The following VTI1A variants were observed in gnomAD, a reference collection of about 807,000 sequenced individuals.
VTI1A encodes the protein vesicle transport through interaction with t-SNAREs homolog 1A.
VTI1A carries 22 observed loss-of-function variants against 34.9 expected under a neutral mutation model. That is an observed-to-expected ratio of 0.63 (90% CI 0.45 to 0.90). The LOEUF (loss-of-function observed/expected upper bound fraction) is 0.90, where lower values mean the gene tolerates loss of function less well. Among genes scored for constraint, VTI1A ranks in the 40% least tolerant of loss-of-function variants. The pLI is 0.00. For synonymous variants in VTI1A, 87 were observed against 97.3 expected (o/e 0.89, Z 0.62); for missense variants, 268 against 275.6 (o/e 0.97, Z 0.20).
the VTI1A span, among the ~76,000 whole-genome samples, chr10:112,849,232 A>T: frequency 6.6e-6 from 1 of 152,272 alleles, no homozygotes; most frequent in African/African-American, 2.4e-5. Context: ...TAAGCTGTTC[A>T]TCTGCAACTG....
chr10:112,738,911 G>T (rs1044098065), intron 7 of VTI1A, among the ~76,000 whole-genome samples: 5 of 152,150 alleles, frequency 3.3e-5, no homozygotes, highest in Non-Finnish European at 4.4e-5. Flanking sequence ...TGACCTAGCC[G>T]CATGATCCCG....
chr10:112,652,218 C>A lies in VTI1A; in HGVS notation c.428-16000C>A, dbSNP rs969134743. Among the ~76,000 whole-genome samples the A allele has an allele frequency of 2.4e-4, 37 of 152,218 alleles. 1 individual carries two copies. Among genetic ancestry groups the A allele is most frequent in the Non-Finnish European group, 4.1e-4 (28 of 68,040 alleles). On this transcript the variant is annotated intron_variant, in intron 5 of 7. Coordinates refer to ENST00000393077, the MANE Select transcript of VTI1A (RefSeq NM_145206.4). ...CCCTGAGTGAAATCAAAGCCTCCCA[C>A]TGCCATAACACCATGAAGATTTTCA...
At chr10:112,563,425 T>TA (rs35123488) in intron 5 of VTI1A, among the ~76,000 whole-genome samples, 1 of 152,220 alleles carries the variant, frequency 6.6e-6, no homozygotes, top group Non-Finnish European at 1.5e-5. Flanking sequence ...ATTCATCATA[T>TA]AAAAAAAATT....
At position 112,778,145 on chromosome 10, in the gene VTI1A, G is replaced by A. The variant is rs558626704; in HGVS notation, c.561-37145G>A. 7.2e-5 allele frequency among the ~76,000 whole-genome samples: 11 copies of A among 152,200 alleles called. No individual in the cohort carries two copies. The South Asian group carries it at 1.0e-3, about 14-fold the overall frequency. ...AAGTGTATTGGTGATAGCAAGTTCC[G>A]TAATAGCCTTATGGAGCTCACATTA... On this transcript the variant is annotated intron_variant, in intron 7 of 7. Coordinates refer to ENST00000393077, the MANE Select transcript of VTI1A (RefSeq NM_145206.4).
At chr10:112,778,329 G>C in intron 7 of VTI1A, among the ~76,000 whole-genome samples, 1 of 152,174 alleles carries the variant, frequency 6.6e-6, no homozygotes, top group Non-Finnish European at 1.5e-5. Flanking sequence ...CTGAGCACTG[G>C]TGGAAGTTCT....
chr10:112,657,779 T>G (rs1200069640), intron 5 of VTI1A, among the ~76,000 whole-genome samples: 1 of 151,530 alleles, frequency 6.6e-6, no homozygotes, highest in Non-Finnish European at 1.5e-5. Flanking sequence ...AGTTAAAAAC[T>G]TTTATATATC....
chr10:112,610,898 G>A (rs1347174103), intron 5 of VTI1A, among the ~76,000 whole-genome samples: 6 of 150,976 alleles, frequency 4.0e-5, no homozygotes, highest in African/African-American at 1.2e-4. Context: ...CAGCCTGGGC[G>A]ACAGAGCGAG....
intron 5 of VTI1A, among the ~76,000 whole-genome samples, chr10:112,618,524 T>TAGAGAGAGAGAGAGAGAGAGAGAG (rs6144094): frequency 1.6e-3 from 54 of 34,556 alleles, no homozygotes; most frequent in African/African-American, 4.9e-3. Context: ...TATATATATA[T>TAGAGAGAGAGAGAGAGAGAGAGAG]AGAGAGAGAG....
chr10:112,785,353 G>T (rs1450075003), intron 7 of VTI1A, among the ~76,000 whole-genome samples: 1 of 152,194 alleles, frequency 6.6e-6, no homozygotes, highest in African/African-American at 2.4e-5. Context: ...TCTGGAGCTT[G>T]TAAGACTCTG....
intron 5 of VTI1A, among the ~76,000 whole-genome samples, chr10:112,605,330 G>A (rs960177220): frequency 6.6e-6 from 1 of 152,094 alleles, no homozygotes; most frequent in African/African-American, 2.4e-5. Flanking sequence ...GTGTTGAGAG[G>A]GAAAGAAATT....
intron 7 of VTI1A, among the ~76,000 whole-genome samples, chr10:112,740,178 C>A (rs1850642672): frequency 6.6e-6 from 1 of 152,212 alleles, no homozygotes; most frequent in African/African-American, 2.4e-5. Flanking sequence ...GTTTCCTGCA[C>A]TCTCTTCCAT....
intron 5 of VTI1A, among the ~76,000 whole-genome samples, chr10:112,624,625 A>C (rs1176656618): frequency 6.6e-6 from 1 of 152,158 alleles, no homozygotes; most frequent in Non-Finnish European, 1.5e-5. Context: ...AAAATCGAAG[A>C]CACGTAGGGT....
intron 5 of VTI1A, among the ~76,000 whole-genome samples, chr10:112,621,871 A>G (rs1845750147): frequency 6.6e-6 from 1 of 152,112 alleles, no homozygotes; most frequent in African/African-American, 2.4e-5. Flanking sequence ...TTTCCACGCT[A>G]TACGCTCCTT....
At chr10:112,511,688 C>T (rs1326474174) in intron 3 of VTI1A, among the ~76,000 whole-genome samples, 2 of 152,120 alleles carry the variant, frequency 1.3e-5, no homozygotes, top group African/African-American at 4.8e-5. Flanking sequence ...CACCCTTTAA[C>T]CTGCTTCTCT....
intron 5 of VTI1A, among the ~76,000 whole-genome samples, chr10:112,561,941 A>C (rs1233469567): frequency 6.6e-6 from 1 of 152,190 alleles, no homozygotes; most frequent in Non-Finnish European, 1.5e-5. Flanking sequence ...AAAATTAAAA[A>C]ATCTATCATC....
rs117461411 is a variant in VTI1A at position 112,791,752 on chromosome 10, T to C, written c.561-23538T>C. On this transcript the variant is annotated intron_variant, in intron 7 of 7. Transcript: ENST00000393077. Reference sequence around the variant, plus strand: ...ACAGCACCCCCTCACTTTGGGTACGTATAACTTACACTGATCACTGTTCTG... The same window carrying C: ...ACAGCACCCCCTCACTTTGGGTACGCATAACTTACACTGATCACTGTTCTG... Among the ~76,000 whole-genome samples the C allele has an allele frequency of 4.1e-3, 624 of 152,140 alleles. 2 individuals carry two copies. Among genetic ancestry groups the C allele is most frequent in the Non-Finnish European group, 6.8e-3 (464 of 68,002 alleles).
Position 112,668,983 on chromosome 10 carries a change from C to T in VTI1A, c.545C>T (p.Thr182Ile). ...TTGGGAAAAAGCTCCAGGATTCTGA[C>T]AGGGATGTTGCGAAGGTAAGAGCAA... ...ANLGKSSRIL[T>I]GMLRRIIQNR... Residue 182 changes from threonine (T) to isoleucine (I), a missense_variant, in exon 7 of 8, where the codon ACA (threonine) becomes ATA (isoleucine). Physicochemically the swap from Thr to Ile is moderately conservative, Grantham distance 89 (BLOSUM62 -1). Transcript: ENST00000393077. 1 of 1,612,384 alleles carries T rather than the reference C, an allele frequency of 6.2e-7. No individual in the cohort carries two copies. Among genetic ancestry groups the T allele is most frequent in the Non-Finnish European group, 8.5e-7 (1 of 1,178,722 alleles).
At chr10:112,729,992 C>G (rs933818108) in intron 7 of VTI1A, among the ~76,000 whole-genome samples, 1 of 152,204 alleles carries the variant, frequency 6.6e-6, no homozygotes, top group Admixed American at 6.5e-5. Context: ...GCCCCAACAT[C>G]AGGACCTCTC....
At chr10:112,500,481 C>T (rs1849194036) in intron 3 of VTI1A, among the ~76,000 whole-genome samples, 1 of 151,834 alleles carries the variant, frequency 6.6e-6, no homozygotes, top group Admixed American at 6.6e-5. Flanking sequence ...AAATTGTTGC[C>T]AACATTAAAA....
Sources: gnomAD v4.1 joint callset for allele counts (sites outside exome capture counted in the v4.1 genomes callset) on GRCh38, gnomAD v4.1.1 for gene constraint, MANE v1.5 for transcripts, NCBI Gene and HGNC (gene_info 2026-07-23, HGNC 2026-07-21) for gene names.